The following BANP variants were observed in gnomAD, a reference collection of about 807,000 sequenced individuals.
BANP encodes the protein protein BANP.
BANP carries 11 observed loss-of-function variants against 68.1 expected under a neutral mutation model. The observed-to-expected ratio is 0.16, with a 90% CI of 0.10 to 0.27. The LOEUF (loss-of-function observed/expected upper bound fraction) is 0.27. BANP is among the 10% of genes least tolerant of loss of function. The pLI, the probability that BANP is intolerant of heterozygous loss-of-function variation, is 1.00. For missense variants in BANP, 504 were observed against 722.7 expected (o/e 0.70, Z 3.47); for synonymous variants, 329 against 303.2 (o/e 1.09, Z -0.88).
At chr16:87,982,557 A>C (rs1029986009) in intron 3 of BANP, 1 of 152,158 alleles carries the variant, frequency 6.6e-6, no homozygotes, top group African/African-American at 2.4e-5. Flanking sequence ...CCTCCTTTGT[A>C]GGTAAGCTGA....
intron 4 of BANP, among the ~76,000 whole-genome samples, chr16:87,988,173 T>C (rs570706741): frequency 9.2e-5 from 14 of 152,316 alleles, no homozygotes; most frequent in Non-Finnish European, 1.6e-4. Flanking sequence ...CTGTCTAAAA[T>C]TGGGCAGTGG....
intron 12 of BANP, among the ~76,000 whole-genome samples, chr16:88,070,023 C>G (rs567762809): frequency 6.6e-6 from 1 of 151,878 alleles, no homozygotes; most frequent in Non-Finnish European, 1.5e-5. Flanking sequence ...GATCCACTTC[C>G]GCTTAATAAA....
intron 3 of BANP, chr16:87,982,830 C>T (rs980117134): frequency 1.3e-5 from 2 of 152,278 alleles, no homozygotes; most frequent in African/African-American, 4.8e-5. Flanking sequence ...ATGCCAGCTA[C>T]ATGATGTATG....
At chr16:87,950,914 C>G (rs2056745226), upstream of BANP, 1 of 152,384 alleles carries the variant, frequency 6.6e-6, no homozygotes, top group Admixed American at 6.5e-5. Context: ...GGGCAGGACC[C>G]GCCGCAGCAG....
chr16:88,045,831 G>A (rs913076328), intron 11 of BANP, among the ~76,000 whole-genome samples: 12 of 151,986 alleles, frequency 7.9e-5, no homozygotes, highest in African/African-American at 2.9e-4. Flanking sequence ...TCTCAGGGCG[G>A]CCGCTCCCTC....
intron 9 of BANP, among the ~76,000 whole-genome samples, chr16:88,034,148 T>G (rs2078798326): frequency 6.6e-6 from 1 of 152,168 alleles, no homozygotes; most frequent in African/African-American, 2.4e-5. Flanking sequence ...TCCGGAAAAT[T>G]CTGGGGCTTT....
intron 6 of BANP, among the ~76,000 whole-genome samples, chr16:88,008,371 C>T (rs1336700754): frequency 6.6e-6 from 1 of 152,166 alleles, no homozygotes; most frequent in Non-Finnish European, 1.5e-5. Context: ...AGGAGGGATG[C>T]TCCTGATTTC....
At chr16:87,984,331 C>G in intron 4 of BANP, 72 bp downstream of exon 4, 1 of 1,367,260 alleles carries the variant, frequency 7.3e-7, no homozygotes. Context: ...CGCCCAGGCC[C>G]GCAGCTTAGT....
chr16:88,019,214 G>A (rs565317004), intron 7 of BANP, among the ~76,000 whole-genome samples: 7 of 152,314 alleles, frequency 4.6e-5, no homozygotes, highest in Admixed American at 2.0e-4. Context: ...TGAAGAGCGG[G>A]ATTTGCTCCA....
chr16:87,978,310 T>C (rs2062584102), intron 2 of BANP: 2 of 212,418 alleles, frequency 9.4e-6, no homozygotes, highest in Admixed American at 1.0e-4. Flanking sequence ...TGCACGCCTC[T>C]CTTCTGCTGT....
At chr16:87,971,617 T>C (rs931385805) in intron 1 of BANP, among the ~76,000 whole-genome samples, 45 of 151,892 alleles carry the variant, frequency 3.0e-4, no homozygotes, top group African/African-American at 1.1e-3. Flanking sequence ...GGCTGTATCT[T>C]GGTGTTCTGT....
intron 13 of BANP, among the ~76,000 whole-genome samples, chr16:88,073,446 G>A (rs924102726): frequency 2.0e-5 from 3 of 152,226 alleles, no homozygotes; most frequent in Non-Finnish European, 4.4e-5. Flanking sequence ...GCAGAGGCGC[G>A]CCCTGTACTC....
intron 11 of BANP, among the ~76,000 whole-genome samples, chr16:88,061,805 A>C (rs1280211112): frequency 6.6e-6 from 1 of 151,960 alleles, no homozygotes; most frequent in Non-Finnish European, 1.5e-5. Flanking sequence ...AGCTGGGATT[A>C]CAGGCACGCA....
chr16:88,006,538 CG>C (rs1340054356), intron 6 of BANP, among the ~76,000 whole-genome samples: 2 of 148,996 alleles, frequency 1.3e-5, no homozygotes, highest in African/African-American at 5.0e-5. Context: ...CCCAGCTACT[CG>C]GGAGGCTGAG....
rs532288896 is a variant in BANP, at chr16:88,038,688, C to A, written c.1311+677C>A. Among the ~76,000 whole-genome samples, 15 of 152,252 alleles carry A rather than the reference C, an allele frequency of 9.9e-5. 1 individual carries two copies. The South Asian group carries it at 3.1e-3, about 32-fold the overall frequency. ...AATGGTCTCTACAAAATGACGTGCT[C>A]CGACGGTGCGGGTCCTGGGGAGGGT... On this transcript the variant is annotated intron_variant, in intron 11 of 13. Transcript: ENST00000682872.
At chr16:88,032,133 T>C (rs755314464) in intron 8 of BANP, among the ~76,000 whole-genome samples, 2 of 151,406 alleles carry the variant, frequency 1.3e-5, no homozygotes, top group Non-Finnish European at 2.9e-5. Flanking sequence ...AATAATTTTA[T>C]GTCTTTCATT....
chr16:88,073,871 CTG>C (rs1319465030), intron 13 of BANP, among the ~76,000 whole-genome samples: 1 of 152,274 alleles, frequency 6.6e-6, no homozygotes, highest in Non-Finnish European at 1.5e-5. Context: ...TAAGCTCTCT[CTG>C]TTACCATGCC....
chr16:88,045,047 T>A (rs1300696044), intron 11 of BANP, among the ~76,000 whole-genome samples: 1 of 152,250 alleles, frequency 6.6e-6, no homozygotes, highest in African/African-American at 2.4e-5. Context: ...CCTCATATTT[T>A]GATAAATCAA....
intron 5 of BANP, among the ~76,000 whole-genome samples, chr16:88,005,481 C>T (rs186159482): frequency 2.0e-4 from 30 of 152,360 alleles, no homozygotes; most frequent in Admixed American, 3.3e-4. Flanking sequence ...GTCTCTAAAT[C>T]ATCCTTTTTT....
Sources: allele counts gnomAD v4.1 joint callset (sites outside exome capture counted in the v4.1 genomes callset), GRCh38; gene constraint gnomAD v4.1.1; transcripts MANE v1.5; gene names NCBI Gene and HGNC (gene_info 2026-07-23, HGNC 2026-07-21).